Variants in RORB observed in about 807,000 individuals in gnomAD.
RORB encodes RAR related orphan receptor B.
Under a neutral mutation model 59.1 loss-of-function variants are expected in RORB, and 6 were observed. The ratio of observed to expected loss-of-function variants is 0.10; its 90% CI spans 0.06 to 0.20. The LOEUF (loss-of-function observed/expected upper bound fraction) is 0.20. Ranked by LOEUF, RORB falls within the 10% of genes least tolerant of loss-of-function variation. The pLI, the probability that RORB is intolerant of heterozygous loss-of-function variation, is 1.00. For synonymous variants in RORB, 215 were observed against 204.5 expected, an observed-to-expected ratio of 1.05 and a Z score of -0.44; for missense variants, 320 against 560.5, an observed-to-expected ratio of 0.57 and a Z score of 4.33.
intron 1 of RORB, among the ~76,000 whole-genome samples, chr9:74,560,697 A>C (rs1394452335): frequency 2.6e-5 from 4 of 151,380 alleles, no homozygotes; most frequent in Non-Finnish European, 5.9e-5. Flanking sequence ...TAAAATAATA[A>C]ATTTATATAA....
intron 1 of RORB, among the ~76,000 whole-genome samples, chr9:74,576,862 T>A (rs1395432684): frequency 2.0e-5 from 3 of 152,126 alleles, no homozygotes; most frequent in Non-Finnish European, 2.9e-5. Flanking sequence ...GTTAACTCTG[T>A]CAATACTCAT....
intron 1 of RORB, among the ~76,000 whole-genome samples, chr9:74,627,440 T>A (rs1448500937): frequency 6.6e-6 from 1 of 152,224 alleles, no homozygotes; most frequent in African/African-American, 2.4e-5. Flanking sequence ...CAGGATTACA[T>A]GTTGAGTCTG....
At chr9:74,514,503 C>T (rs1825982383) in intron 1 of RORB, among the ~76,000 whole-genome samples, 1 of 151,874 alleles carries the variant, frequency 6.6e-6, no homozygotes, top group Admixed American at 6.6e-5. Context: ...AACACTTGAC[C>T]GTCAAGTCCC....
At chr9:74,660,862 C>A in intron 5 of RORB, 124 bp downstream of exon 5, 1 of 957,136 alleles carries the variant, frequency 1.0e-6, no homozygotes, top group South Asian at 1.8e-5. Flanking sequence ...GCAAATTGTT[C>A]GATACTTACC....
intron 1 of RORB, among the ~76,000 whole-genome samples, chr9:74,544,320 G>T (rs564122186): frequency 6.6e-6 from 1 of 152,110 alleles, no homozygotes; most frequent in Non-Finnish European, 1.5e-5. Flanking sequence ...TCACACACAC[G>T]CAAAGACTGT....
At chr9:74,645,118 G>T (rs972471057) in intron 4 of RORB, among the ~76,000 whole-genome samples, 2 of 151,990 alleles carry the variant, frequency 1.3e-5, no homozygotes, top group Non-Finnish European at 2.9e-5. Flanking sequence ...AGACATTTAG[G>T]GATGCAAATG....
chr9:74,540,069 C>T (rs1440637842), intron 1 of RORB, among the ~76,000 whole-genome samples: 1 of 152,072 alleles, frequency 6.6e-6, no homozygotes, highest in Non-Finnish European at 1.5e-5. Flanking sequence ...AACCTTCGCA[C>T]CTTTGCACCT....
intron 8 of RORB, 41 bp downstream of exon 8, chr9:74,667,942 T>C (rs1413319062): frequency 7.9e-7 from 1 of 1,267,352 alleles, no homozygotes; most frequent in African/African-American, 1.5e-5. Flanking sequence ...AAAAAACTTG[T>C]TTTACTATTT....
chr9:74,517,286 G>A (rs1387362606), intron 1 of RORB, among the ~76,000 whole-genome samples: 1 of 151,850 alleles, frequency 6.6e-6, no homozygotes, highest in African/African-American at 2.4e-5. Flanking sequence ...TTATTCCCAT[G>A]ATTCCAATGT....
chr9:74,675,053 G>A (rs72614686), intron 9 of RORB, among the ~76,000 whole-genome samples: 10,249 of 151,962 alleles, frequency 0.067, 510 homozygotes, highest in East Asian at 0.29. Context: ...AAATTATTTC[G>A]GCAGAGACAT....
At chr9:74,516,731 ATAG>A (rs1264444018) in intron 1 of RORB, among the ~76,000 whole-genome samples, 3 of 152,044 alleles carry the variant, frequency 2.0e-5, no homozygotes, top group Admixed American at 6.6e-5. Flanking sequence ...AACCTGTCTC[ATAG>A]TAAGTGTCCT....
chr9:74,613,186 T>A (rs923782529), intron 1 of RORB, among the ~76,000 whole-genome samples: 1 of 152,210 alleles, frequency 6.6e-6, no homozygotes, highest in South Asian at 2.1e-4. Flanking sequence ...TCCCAGTGTG[T>A]TTCAGACACA....
intron 1 of RORB, chr9:74,615,751 G>A: frequency 1.4e-5 from 4 of 292,598 alleles, no homozygotes; most frequent in South Asian, 2.7e-5. Context: ...AGCTAGGTGT[G>A]GGGACAAAAA....
At chr9:74,683,135 G>A (rs1824574291) in intron 9 of RORB, among the ~76,000 whole-genome samples, 2 of 152,172 alleles carry the variant, frequency 1.3e-5, no homozygotes, top group African/African-American at 4.8e-5. Context: ...AATAATTATA[G>A]AGTTGCATCT....
intron 1 of RORB, among the ~76,000 whole-genome samples, chr9:74,536,162 T>A (rs550623498): frequency 6.6e-6 from 1 of 152,180 alleles, no homozygotes; most frequent in African/African-American, 2.4e-5. Context: ...ATGATTTAGA[T>A]AATTAATATA....
At chr9:74,610,376 AAC>A (rs1823217010) in intron 1 of RORB, among the ~76,000 whole-genome samples, 1 of 152,236 alleles carries the variant, frequency 6.6e-6, no homozygotes, top group African/African-American at 2.4e-5. Flanking sequence ...AGAGAAAAAT[AAC>A]AGAGATTTTT....
intron 1 of RORB, among the ~76,000 whole-genome samples, chr9:74,580,471 A>T (rs1384905028): frequency 6.6e-6 from 1 of 152,174 alleles, no homozygotes; most frequent in African/African-American, 2.4e-5. Context: ...CTGCCTAGCA[A>T]ACCGTGTAAG....
intron 1 of RORB, among the ~76,000 whole-genome samples, chr9:74,513,292 A>G (rs1825965095): frequency 6.6e-6 from 1 of 152,102 alleles, no homozygotes; most frequent in African/African-American, 2.4e-5. Context: ...AAGTACCAGA[A>G]TTAAGTGAAA....
At chr9:74,545,807 G>GTTT (rs58788419) in intron 1 of RORB, among the ~76,000 whole-genome samples, 2 of 150,140 alleles carry the variant, frequency 1.3e-5, no homozygotes, top group African/African-American at 4.9e-5. Context: ...TTACCTGACA[G>GTTT]TTTTTTTTTT....
Sources: allele counts gnomAD v4.1 joint callset (sites outside exome capture counted in the v4.1 genomes callset), GRCh38; gene constraint gnomAD v4.1.1; transcripts MANE v1.5; gene names NCBI Gene and HGNC (gene_info 2026-07-23, HGNC 2026-07-21).